ASPH: variants seen among roughly 807,000 people sequenced by gnomAD.
ASPH encodes aspartate beta-hydroxylase, also known as aspartyl/asparaginyl beta-hydroxylase.
A neutral mutation model predicts 118.4 loss-of-function variants in ASPH; 100 were observed. That is an observed-to-expected ratio of 0.84 (90% confidence interval 0.72 to 1.00). ASPH has a LOEUF of 1.00. Among genes scored for constraint, ASPH ranks in the 50% least tolerant of loss-of-function variants. The pLI is 0.00. For synonymous variants in ASPH, 315 were observed against 325.6 expected, an observed-to-expected ratio of 0.97 and a Z score of 0.35; for missense variants, 920 against 919.5, an observed-to-expected ratio of 1.00 and a Z score of -0.01.
intron 10 of ASPH, among the ~76,000 whole-genome samples, chr8:61,640,852 G>T (rs2150938852): frequency 6.6e-6 from 1 of 152,330 alleles, no homozygotes; most frequent in East Asian, 1.9e-4. Flanking sequence ...GGTTATCTTT[G>T]ATGTAGAAGC....
intron 19 of ASPH, among the ~76,000 whole-genome samples, chr8:61,553,494 T>G (rs1826743011): frequency 6.6e-6 from 1 of 152,214 alleles, no homozygotes; most frequent in African/African-American, 2.4e-5. Context: ...TAGAGGCTTT[T>G]TATTCCTAAA....
intron 22 of ASPH, among the ~76,000 whole-genome samples, chr8:61,519,308 T>C (rs192476133): frequency 6.6e-6 from 1 of 152,330 alleles, no homozygotes; most frequent in East Asian, 1.9e-4. Flanking sequence ...ACCTAATTTT[T>C]CTTAATTTTA....
At chr8:61,610,176 C>A (rs1846885100) in intron 14 of ASPH, among the ~76,000 whole-genome samples, 1 of 152,100 alleles carries the variant, frequency 6.6e-6, no homozygotes, top group Non-Finnish European at 1.5e-5. Flanking sequence ...ATGTGGAGTG[C>A]TCCATGGGCA....
At chr8:61,529,741 G>A (rs1428328173) in intron 21 of ASPH, among the ~76,000 whole-genome samples, 8 of 152,192 alleles carry the variant, frequency 5.3e-5, no homozygotes, top group Admixed American at 3.3e-4. Flanking sequence ...TCTGGAGTAT[G>A]AGAAGTTCAA....
At chr8:61,540,311 T>A (rs535108043) in intron 21 of ASPH, among the ~76,000 whole-genome samples, 1 of 152,270 alleles carries the variant, frequency 6.6e-6, no homozygotes, top group East Asian at 1.9e-4. Context: ...TGATTTCTCA[T>A]CAACGGTTCA....
intron 1 of ASPH, among the ~76,000 whole-genome samples, chr8:61,688,086 T>A (rs1386015502): frequency 6.6e-6 from 1 of 152,168 alleles, no homozygotes; most frequent in East Asian, 1.9e-4. Context: ...GATGAACGCA[T>A]GGTAAGACAA....
rs147729399 is a variant in ASPH at position 61,503,447 on chromosome 8, T to A, written c.2189A>T (p.Asp730Val). The change falls in exon 25 of 25, where the codon GAT becomes GTT. Residue 730 changes from aspartate (D) to valine (V), a missense_variant. Physicochemically the swap from Asp to Val is radical, Grantham distance 152. Transcript: ENST00000379454. ...DDSFEHEVWQ[D>V]ASSFRLIFIV... Reference sequence around the variant, plus strand: ...GAATATCAGCCGGAAAGATGAGGCATCCTGCCATACCTCGTGCTCAAAGGA... The same window carrying A: ...GAATATCAGCCGGAAAGATGAGGCAACCTGCCATACCTCGTGCTCAAAGGA... 7.3e-5 allele frequency: 117 copies of A among 1,612,910 alleles called. No homozygotes were observed. Among genetic ancestry groups the A allele is most frequent in the Non-Finnish European group, 9.6e-5 (113 of 1,179,626 alleles).
intron 21 of ASPH, among the ~76,000 whole-genome samples, chr8:61,526,652 C>T (rs1323417319): frequency 6.6e-6 from 1 of 152,152 alleles, no homozygotes; most frequent in Non-Finnish European, 1.5e-5. Flanking sequence ...CAAATAAATG[C>T]ACTAGTGTTT....
At chr8:61,664,400 A>G (rs1039693046) in intron 3 of ASPH, 1 of 973,572 alleles carries the variant, frequency 1.0e-6, no homozygotes, top group African/African-American at 1.8e-5. Flanking sequence ...AGTTATTCTA[A>G]GACTATAAAG....
At chr8:61,621,457 C>T (rs1850910406) in intron 13 of ASPH, among the ~76,000 whole-genome samples, 1 of 152,126 alleles carries the variant, frequency 6.6e-6, no homozygotes, top group Non-Finnish European at 1.5e-5. Context: ...CCCACTAGCA[C>T]TCTGCAAAGA....
At chr8:61,578,710 A>G (rs1836246183) in intron 15 of ASPH, 1 of 1,608,600 alleles carries the variant, frequency 6.2e-7, no homozygotes, top group Non-Finnish European at 8.5e-7. Context: ...CTGGAGGCGG[A>G]GCTTGGCAAC....
intron 21 of ASPH, among the ~76,000 whole-genome samples, chr8:61,528,493 T>A (rs1319098249): frequency 2.0e-5 from 3 of 152,254 alleles, no homozygotes; most frequent in Admixed American, 6.5e-5. Flanking sequence ...AATGAGGTTA[T>A]TGGTGCCTTA....
Position 61,548,174 on chromosome 8 carries a change from C to T in ASPH, c.1661G>A (p.Gly554Glu). 2 of 1,613,860 alleles carry T rather than the reference C, an allele frequency of 1.2e-6. No individual in the cohort carries two copies. The highest frequency in any genetic ancestry group is 1.7e-6 in the Non-Finnish European group (2 of 1,179,856). ...GCGTTGCCAGACAGATGCAAAGTGT[C>T]CTCTCTTGTGCCCAAGCTCATACCA... ...YKWYELGHKR[G>E]HFASVWQRSL... Residue 554 changes from glycine (G) to glutamate (E), a missense_variant, in exon 21 of 25, where the codon GGA becomes GAA. Gly to Glu is a moderately conservative substitution (Grantham distance 98). Coordinates refer to ENST00000379454, the MANE Select transcript of ASPH (RefSeq NM_004318.4).
chr8:61,583,733 G>A (rs1365736366), intron 15 of ASPH, among the ~76,000 whole-genome samples: 2 of 152,116 alleles, frequency 1.3e-5, no homozygotes, highest in African/African-American at 4.8e-5. Flanking sequence ...CGGCTGGCCT[G>A]AAGGAAAGTT....
At chr8:61,561,460 T>C (rs1829949011) in intron 18 of ASPH, among the ~76,000 whole-genome samples, 2 of 152,238 alleles carry the variant, frequency 1.3e-5, no homozygotes, top group Admixed American at 1.3e-4. Flanking sequence ...CTTATTTCTG[T>C]TCTCTCAGAA....
intron 24 of ASPH, among the ~76,000 whole-genome samples, chr8:61,506,529 G>T (rs1052273279): frequency 6.6e-6 from 1 of 152,154 alleles, no homozygotes; most frequent in African/African-American, 2.4e-5. Context: ...AGGCAAAGGA[G>T]AGCATGTGGT....
intron 3 of ASPH, among the ~76,000 whole-genome samples, chr8:61,671,877 A>G (rs1192458951): frequency 1.3e-5 from 2 of 152,268 alleles, no homozygotes; most frequent in Admixed American, 6.5e-5. Flanking sequence ...TGCAATAGAC[A>G]TGATTTTAGA....
At chr8:61,621,331 AAAAAGAAAAGAAAAG>A (rs55796159) in intron 13 of ASPH, among the ~76,000 whole-genome samples, 34 of 142,158 alleles carry the variant, frequency 2.4e-4, no homozygotes, top group Non-Finnish European at 1.1e-4. Flanking sequence ...GCAAAAAAAA[AAAAAGAAAAGAAAAG>A]AAAAGAAAAG....
At chr8:61,556,093 G>T (rs1563804558) in intron 18 of ASPH, 71 bp from the exon 19 acceptor site, 1 of 1,371,762 alleles carries the variant, frequency 7.3e-7, no homozygotes, top group East Asian at 2.4e-5. Flanking sequence ...TTCTACAGAT[G>T]ACTGTCAAAA....
Sources: gnomAD v4.1 joint callset for allele counts (sites outside exome capture counted in the v4.1 genomes callset) on GRCh38, gnomAD v4.1.1 for gene constraint, MANE v1.5 for transcripts, NCBI Gene and HGNC (gene_info 2026-07-23, HGNC 2026-07-21) for gene names.